The following CDH18 variants were observed in gnomAD, a reference collection of about 807,000 sequenced individuals.
CDH18 encodes the protein cadherin-18.
CDH18 carries 31 observed loss-of-function variants against 67.9 expected under a neutral mutation model. The ratio of observed to expected loss-of-function variants is 0.46; its 90% confidence interval spans 0.34 to 0.62. The LOEUF is 0.62. Ranked by LOEUF, CDH18 falls within the 20% of genes least tolerant of loss-of-function variation. The pLI, the probability that CDH18 is intolerant of heterozygous loss-of-function variation, is 0.01. For missense variants in CDH18, 890 were observed against 975.5 expected (o/e 0.91, Z 1.17); for synonymous variants, 362 against 347.2 (o/e 1.04, Z -0.48).
At chr5:20,414,979 T>A (rs531818709) in intron 1 of CDH18, among the ~76,000 whole-genome samples, 2 of 152,300 alleles carry the variant, frequency 1.3e-5, no homozygotes, top group East Asian at 3.9e-4. Flanking sequence ...AGAATCACAC[T>A]TCTGAGTATT....
chr5:20,418,324 A>G (rs999096900), intron 1 of CDH18, among the ~76,000 whole-genome samples: 2 of 138,198 alleles, frequency 1.4e-5, no homozygotes, highest in Admixed American at 8.2e-5. Context: ...CCAACTCCTG[A>G]CTTCAGGTGA....
intron 2 of CDH18, among the ~76,000 whole-genome samples, chr5:20,166,429 G>A: frequency 9.9e-6 from 1 of 100,962 alleles, no homozygotes; most frequent in Non-Finnish European, 1.9e-5. Context: ...AACAGAGTGA[G>A]ACTCTGTCTC....
chr5:20,539,945 C>G (rs1284492115), intron 1 of CDH18, among the ~76,000 whole-genome samples: 1 of 152,114 alleles, frequency 6.6e-6, no homozygotes, highest in Non-Finnish European at 1.5e-5. Flanking sequence ...TTTGGAAGCA[C>G]TGAACTATTT....
At chr5:20,209,853 A>G (rs1740215107) in intron 2 of CDH18, among the ~76,000 whole-genome samples, 1 of 151,824 alleles carries the variant, frequency 6.6e-6, no homozygotes, top group Non-Finnish European at 1.5e-5. Context: ...ATGTGCCCTG[A>G]TATAAATATC....
intron 2 of CDH18, among the ~76,000 whole-genome samples, chr5:20,182,326 C>T (rs1467021): frequency 1.3e-5 from 2 of 151,690 alleles, no homozygotes; most frequent in Non-Finnish European, 2.9e-5. Flanking sequence ...TCCTCAGCCG[C>T]GTGCAATGGC....
Position 20,099,610 on chromosome 5 carries a change from G to A in CDH18, c.-517-107596C>T, listed in dbSNP as rs532858714. On this transcript the variant is annotated intron_variant, in intron 2 of 14. Transcript: ENST00000507958. ...TTTTCTAATATCAAGAAGAATGATGGCCTCTAGGGTAACAATTAGCTTTGT... is the reference window on the plus strand; with the variant it reads ...TTTTCTAATATCAAGAAGAATGATGACCTCTAGGGTAACAATTAGCTTTGT... Among the ~76,000 whole-genome samples, 331 of 151,900 alleles carry A rather than the reference G, an allele frequency of 2.2e-3. 1 individual carries two copies. Among genetic ancestry groups the A allele is most frequent in the African/African-American group, 7.5e-3 (311 of 41,388 alleles).
At chr5:20,209,969 T>G (rs923857174) in intron 2 of CDH18, among the ~76,000 whole-genome samples, 14 of 151,482 alleles carry the variant, frequency 9.2e-5, no homozygotes, top group Non-Finnish European at 1.9e-4. Flanking sequence ...CATATATAAT[T>G]TAAGAAGTAA....
chr5:19,579,586 TG>T (rs1461794673), intron 7 of CDH18, among the ~76,000 whole-genome samples: 1 of 151,874 alleles, frequency 6.6e-6, no homozygotes, highest in Non-Finnish European at 1.5e-5. Context: ...CTTAAATATT[TG>T]TAACTTTTAA....
chr5:20,013,976 C>T (rs556239523), intron 2 of CDH18, among the ~76,000 whole-genome samples: 8 of 152,118 alleles, frequency 5.3e-5, no homozygotes, highest in African/African-American at 1.7e-4. Flanking sequence ...TCAATAGATA[C>T]CCTGATGCTC....
chr5:19,840,960 A>G (rs1049485883), intron 2 of CDH18, among the ~76,000 whole-genome samples: 12 of 152,180 alleles, frequency 7.9e-5, no homozygotes, highest in Non-Finnish European at 1.6e-4. Flanking sequence ...TTGACATGAC[A>G]GTATAATTAA....
chr5:20,149,468 T>A lies in CDH18; in HGVS notation c.-518+105976A>T, dbSNP rs531141220. Among the ~76,000 whole-genome samples, 3 of 152,274 alleles carry A rather than the reference T, an allele frequency of 2.0e-5. No individual in the cohort carries two copies. The South Asian group carries it at 6.2e-4, about 32-fold the overall frequency. ...TAAGGAGTGATATCGGACAGGGTAG[T>A]GAAGGGAGTCATGTGATGAATGGTA... On this transcript the variant is annotated intron_variant, in intron 2 of 14. Coordinates refer to the CDH18 transcript ENST00000507958.
chr5:19,628,131 T>C (rs1400520437), intron 5 of CDH18, among the ~76,000 whole-genome samples: 1 of 152,150 alleles, frequency 6.6e-6, no homozygotes, highest in Non-Finnish European at 1.5e-5. Context: ...ACTGTTCTTA[T>C]GTAGTGACTA....
chr5:20,054,123 A>G (rs1403472397), intron 2 of CDH18, among the ~76,000 whole-genome samples: 2 of 152,168 alleles, frequency 1.3e-5, no homozygotes, highest in African/African-American at 4.8e-5. Context: ...TACAATTTGT[A>G]TATTTCATAT....
chr5:20,525,616 C>T (rs566959919), intron 1 of CDH18, among the ~76,000 whole-genome samples: 2 of 152,210 alleles, frequency 1.3e-5, no homozygotes, highest in South Asian at 4.1e-4. Context: ...CAATATATGA[C>T]TCTTTAAATT....
intron 2 of CDH18, among the ~76,000 whole-genome samples, chr5:20,018,467 A>G (rs953821420): frequency 6.6e-6 from 1 of 152,180 alleles, no homozygotes; most frequent in Non-Finnish European, 1.5e-5. Context: ...ACCTTCCCTC[A>G]TTGAGCTTTG....
chr5:19,629,566 T>G (rs1018856347), intron 5 of CDH18, among the ~76,000 whole-genome samples: 1 of 152,188 alleles, frequency 6.6e-6, no homozygotes, highest in African/African-American at 2.4e-5. Flanking sequence ...CTGCAAGAGT[T>G]ATCTTTTTAA....
chr5:20,288,236 A>G, intron 1 of CDH18, among the ~76,000 whole-genome samples: 1 of 151,820 alleles, frequency 6.6e-6, no homozygotes, highest in East Asian at 1.9e-4. Context: ...GATGACTGAA[A>G]TCCTTAACTC....
intron 1 of CDH18, among the ~76,000 whole-genome samples, chr5:20,443,053 CA>C (rs1304671333): frequency 6.7e-6 from 1 of 149,298 alleles, no homozygotes; most frequent in Non-Finnish European, 1.5e-5. Context: ...ACTAAAAATA[CA>C]AAAAAATTAG....
chr5:20,313,487 A>G (rs2149993562), intron 1 of CDH18, among the ~76,000 whole-genome samples: 1 of 152,238 alleles, frequency 6.6e-6, no homozygotes, highest in East Asian at 1.9e-4. Flanking sequence ...TGTATTAAAA[A>G]TACACTCAAT....
Sources: gnomAD v4.1 joint callset for allele counts (sites outside exome capture counted in the v4.1 genomes callset) on GRCh38, gnomAD v4.1.1 for gene constraint, MANE v1.5 for transcripts, NCBI Gene and HGNC (gene_info 2026-07-23, HGNC 2026-07-21) for gene names.